The following PRIM2 variants were observed in gnomAD, a reference collection of about 807,000 sequenced individuals.
PRIM2 encodes the protein DNA primase subunit 2, also known as DNA primase large subunit.
In PRIM2, 39 loss-of-function variants were observed where a neutral mutation model predicts 67.3. The observed-to-expected ratio is 0.58, with a 90% CI of 0.45 to 0.76. PRIM2 has a LOEUF of 0.76. Ranked by LOEUF, PRIM2 falls within the 30% of genes least tolerant of loss-of-function variation. The pLI is 0.00. For missense variants in PRIM2, 398 were observed against 598.7 expected, an observed-to-expected ratio of 0.66 and a Z score of 3.50; for synonymous variants, 143 against 198.7, an observed-to-expected ratio of 0.72 and a Z score of 2.36.
At chr6:57,562,849 A>G (rs1415186782) in intron 10 of PRIM2, among the ~76,000 whole-genome samples, 2 of 152,206 alleles carry the variant, frequency 1.3e-5, no homozygotes, top group African/African-American at 4.8e-5. Context: ...ATGAAAGTAT[A>G]TCATTATCCA....
chr6:57,626,850 T>C (rs1382911372), intron 12 of PRIM2, among the ~76,000 whole-genome samples: 9 of 152,124 alleles, frequency 5.9e-5, no homozygotes, highest in African/African-American at 2.2e-4. Context: ...GGTCTTGAAC[T>C]CCTGGACTTA....
At chr6:57,383,671 A>T (rs1770040518) in intron 7 of PRIM2, 1 of 152,084 alleles carries the variant, frequency 6.6e-6, no homozygotes, top group Non-Finnish European at 1.5e-5. Flanking sequence ...GAAGAGCTAC[A>T]GCCATCTAGA....
At chr6:57,235,805 C>CA in the PRIM2 span, among the ~76,000 whole-genome samples, 2 of 152,068 alleles carry the variant, frequency 1.3e-5, no homozygotes, top group Non-Finnish European at 1.5e-5. Context: ...GACACAGAAG[C>CA]AGAGGTCAGA....
the PRIM2 span, among the ~76,000 whole-genome samples, chr6:57,288,320 C>A: frequency 3.3e-5 from 5 of 152,234 alleles, no homozygotes; most frequent in Non-Finnish European, 4.4e-5. Flanking sequence ...CCCACTGCAG[C>A]TCAGCAAGGC....
rs1393554005 is a variant in PRIM2, at chr6:57,581,009, A to C, written c.1021-20084A>C. Among the ~76,000 whole-genome samples, 5 of 152,326 alleles carry C rather than the reference A, an allele frequency of 3.3e-5. No homozygotes were observed. In the East Asian group the frequency reaches 7.7e-4, roughly 23 times the overall value. On this transcript the variant is annotated intron_variant, in intron 10 of 13. Transcript: ENST00000615550. ...GAAAATAAATCTGGGAAAATAAGTA[A>C]ATAGGGTGAAACTAATCTAGTAAAA...
intron 3 of PRIM2, among the ~76,000 whole-genome samples, chr6:57,322,228 A>G (rs1262544723): frequency 6.6e-6 from 1 of 152,232 alleles, no homozygotes; most frequent in Non-Finnish European, 1.5e-5. Flanking sequence ...AGCTGAGCAG[A>G]AGATCTAGAA....
intron 12 of PRIM2, among the ~76,000 whole-genome samples, chr6:57,616,222 TTGTGATGGAGGCTTTACACA>T (rs1415272489): frequency 6.6e-6 from 1 of 152,242 alleles, no homozygotes; most frequent in Non-Finnish European, 1.5e-5. Flanking sequence ...ATGCAAAGCA[TTGTGATGGAGGCTTTACACA>T]AATAAACTGT....
At chr6:57,361,426 G>A (rs1769196038) in intron 5 of PRIM2, among the ~76,000 whole-genome samples, 1 of 151,534 alleles carries the variant, frequency 6.6e-6, no homozygotes, top group Non-Finnish European at 1.5e-5. Flanking sequence ...GAAGCTTGGT[G>A]GACCTTGAAG....
At chr6:57,522,662 T>TCC (rs1774650474) in intron 8 of PRIM2, among the ~76,000 whole-genome samples, 1 of 152,174 alleles carries the variant, frequency 6.6e-6, no homozygotes, top group Non-Finnish European at 1.5e-5. Context: ...CTCAAAATAT[T>TCC]TTAATATGTA....
At chr6:57,259,353 A>T in the PRIM2 span, among the ~76,000 whole-genome samples, 8 of 61,848 alleles carry the variant, frequency 1.3e-4, no homozygotes, top group East Asian at 4.1e-3. Flanking sequence ...TCCTGGGACC[A>T]GTAGGTTGCC....
intron 5 of PRIM2, among the ~76,000 whole-genome samples, chr6:57,336,503 T>C (rs1201822190): frequency 2.6e-5 from 4 of 152,176 alleles, no homozygotes; most frequent in African/African-American, 4.8e-5. Flanking sequence ...AGACTAACAG[T>C]GGATCTCTCG....
the PRIM2 span, among the ~76,000 whole-genome samples, chr6:57,266,565 C>T: frequency 2.0e-5 from 3 of 152,164 alleles, no homozygotes; most frequent in Non-Finnish European, 4.4e-5. Flanking sequence ...GCGCAGATTT[C>T]ATTTAACCAT....
intron 7 of PRIM2, among the ~76,000 whole-genome samples, chr6:57,476,350 T>A (rs1324717419): frequency 7.2e-5 from 11 of 152,202 alleles, no homozygotes; most frequent in Non-Finnish European, 1.6e-4. Flanking sequence ...AGCTGGAATT[T>A]AAGTTAATGG....
upstream of PRIM2, among the ~76,000 whole-genome samples, chr6:57,312,343 A>T (rs1767406577): frequency 6.6e-6 from 1 of 152,012 alleles, no homozygotes; most frequent in Non-Finnish European, 1.5e-5. Flanking sequence ...TCTACAAAAA[A>T]ATTTAAAAAT....
At chr6:57,270,695 T>C in the PRIM2 span, among the ~76,000 whole-genome samples, 2 of 152,174 alleles carry the variant, frequency 1.3e-5, no homozygotes, top group Non-Finnish European at 2.9e-5. Flanking sequence ...AGGGCATCCC[T>C]GTCTTGTGCC....
the PRIM2 span, among the ~76,000 whole-genome samples, chr6:57,263,380 C>T: frequency 3.9e-5 from 6 of 152,176 alleles, no homozygotes; most frequent in African/African-American, 1.4e-4. Context: ...GAGAGTCCTT[C>T]CTTGCCCCTT....
chr6:57,358,022 G>A (rs1369104537), intron 5 of PRIM2, among the ~76,000 whole-genome samples: 2 of 152,188 alleles, frequency 1.3e-5, no homozygotes, highest in Non-Finnish European at 2.9e-5. Flanking sequence ...CCTATAGGAG[G>A]TACTTAATGT....
intron 10 of PRIM2, among the ~76,000 whole-genome samples, chr6:57,575,529 ACT>A (rs1280351284): frequency 6.6e-6 from 1 of 152,102 alleles, no homozygotes; most frequent in African/African-American, 2.4e-5. Context: ...CTATTGAGGG[ACT>A]CTGTTACTCA....
intron 7 of PRIM2, among the ~76,000 whole-genome samples, chr6:57,400,032 C>T (rs1011963518): frequency 6.6e-6 from 1 of 152,234 alleles, no homozygotes; most frequent in African/African-American, 2.4e-5. Flanking sequence ...AGACAGCATA[C>T]CATTGGGTCT....
Sources: allele counts gnomAD v4.1 joint callset (sites outside exome capture counted in the v4.1 genomes callset), GRCh38; gene constraint gnomAD v4.1.1; transcripts MANE v1.5; gene names NCBI Gene and HGNC (gene_info 2026-07-23, HGNC 2026-07-21).